The following DOCK1 variants were observed in gnomAD, a reference collection of about 807,000 sequenced individuals.
DOCK1 encodes the protein dedicator of cytokinesis 1.
Under a neutral mutation model 262.7 loss-of-function variants are expected in DOCK1, and 138 were observed. The observed-to-expected ratio is 0.53, with a 90% CI of 0.46 to 0.61. DOCK1 has a LOEUF of 0.61. Among genes scored for constraint, DOCK1 ranks in the 20% least tolerant of loss-of-function variants. DOCK1 has a pLI of 0.00. For synonymous variants in DOCK1, 866 were observed against 867.4 expected (o/e 1.00, Z 0.03); for missense variants, 1,908 against 2,370.7 (o/e 0.80, Z 4.05).
intron 25 of DOCK1, among the ~76,000 whole-genome samples, chr10:127,113,173 G>C (rs199759878): frequency 1.1e-4 from 16 of 152,006 alleles, no homozygotes; most frequent in Admixed American, 1.0e-3. Flanking sequence ...GGTTGTTTTT[G>C]TCCTGTTTCC....
intron 33 of DOCK1, among the ~76,000 whole-genome samples, chr10:127,371,164 A>T (rs2065187130): frequency 1.3e-5 from 2 of 152,258 alleles, no homozygotes; most frequent in African/African-American, 4.8e-5. Context: ...GTAACAGTTC[A>T]TAGCACACTA....
intron 29 of DOCK1, among the ~76,000 whole-genome samples, chr10:127,324,560 G>T (rs150341934): frequency 2.6e-5 from 4 of 151,936 alleles, no homozygotes; most frequent in African/African-American, 9.7e-5. Flanking sequence ...ACCCAGTCAC[G>T]CCTCTCTTGG....
intron 50 of DOCK1, among the ~76,000 whole-genome samples, chr10:127,445,841 G>A (rs942222172): frequency 6.6e-6 from 1 of 152,254 alleles, no homozygotes; most frequent in African/African-American, 2.4e-5. Flanking sequence ...AGAAAGGAGT[G>A]AAGTTCTGAC....
chr10:127,429,840 C>T (rs1050558213), intron 47 of DOCK1, among the ~76,000 whole-genome samples: 4 of 149,560 alleles, frequency 2.7e-5, no homozygotes, highest in African/African-American at 5.1e-5. Flanking sequence ...GGCATTGGCC[C>T]CCGTGCCCTC....
At chr10:127,180,879 C>T (rs961894483) in intron 27 of DOCK1, among the ~76,000 whole-genome samples, 2 of 152,276 alleles carry the variant, frequency 1.3e-5, no homozygotes, top group East Asian at 1.9e-4. Context: ...AAACGGTCAT[C>T]GTTGTGGTAT....
intron 6 of DOCK1, among the ~76,000 whole-genome samples, chr10:126,994,895 C>T (rs2040060542): frequency 6.6e-6 from 1 of 151,834 alleles, no homozygotes; most frequent in Non-Finnish European, 1.5e-5. Context: ...GACGGGGCGG[C>T]CGGGCAGAGG....
At chr10:126,957,240 C>T (rs1004635922) in intron 1 of DOCK1, among the ~76,000 whole-genome samples, 4 of 152,094 alleles carry the variant, frequency 2.6e-5, no homozygotes, top group Non-Finnish European at 4.4e-5. Flanking sequence ...TATTTTTTGG[C>T]GAGTCCCTGG....
At chr10:127,356,940 A>G (rs1244885266) in intron 32 of DOCK1, among the ~76,000 whole-genome samples, 2 of 152,202 alleles carry the variant, frequency 1.3e-5, no homozygotes, top group African/African-American at 4.8e-5. Flanking sequence ...ATACTTTCAA[A>G]TGAAGGTTCT....
At chr10:127,041,156 CTCAGGATCTTGGCTCA>C (rs1261317953) in intron 19 of DOCK1, among the ~76,000 whole-genome samples, 1 of 152,128 alleles carries the variant, frequency 6.6e-6, no homozygotes, top group African/African-American at 2.4e-5. Flanking sequence ...AAGGCGCAAT[CTCAGGATCTTGGCTCA>C]CCACAACCTC....
chr10:127,091,480 T>G (rs1480998360), intron 23 of DOCK1, among the ~76,000 whole-genome samples: 5 of 152,248 alleles, frequency 3.3e-5, no homozygotes, highest in Non-Finnish European at 5.9e-5. Context: ...CCTTTAGCTG[T>G]AGGTTGAACA....
chr10:127,413,499 G>A (rs1443763263), intron 43 of DOCK1, among the ~76,000 whole-genome samples: 2 of 152,254 alleles, frequency 1.3e-5, no homozygotes, highest in African/African-American at 4.8e-5. Context: ...GGGGGCTGGG[G>A]AAGCTGCCCA....
chr10:127,075,298 G>A (rs1387506115), intron 23 of DOCK1, among the ~76,000 whole-genome samples: 4 of 151,164 alleles, frequency 2.6e-5, no homozygotes, highest in African/African-American at 4.9e-5. Context: ...TACTGAGACC[G>A]AGTCTCACTG....
At chr10:127,406,647 T>G (rs1247020622) in intron 40 of DOCK1, among the ~76,000 whole-genome samples, 2 of 152,168 alleles carry the variant, frequency 1.3e-5, no homozygotes, top group African/African-American at 2.4e-5. Context: ...TAAAAATTGG[T>G]CTCACTGTTT....
chr10:127,340,551 C>G (rs182003959), intron 30 of DOCK1, among the ~76,000 whole-genome samples: 1 of 152,122 alleles, frequency 6.6e-6, no homozygotes, highest in Non-Finnish European at 1.5e-5. Flanking sequence ...GCTGTGCTAC[C>G]GTGAGGGCTG....
chr10:127,031,295 C>T (rs1176644163), intron 16 of DOCK1, among the ~76,000 whole-genome samples: 3 of 152,162 alleles, frequency 2.0e-5, no homozygotes, highest in Non-Finnish European at 4.4e-5. Context: ...TACAGTTACT[C>T]TCGCTTTCTA....
chr10:127,356,303 T>A (rs921702361), intron 32 of DOCK1, among the ~76,000 whole-genome samples: 2 of 152,346 alleles, frequency 1.3e-5, no homozygotes, highest in East Asian at 3.9e-4. Flanking sequence ...CTCCCACTCC[T>A]GCCTCCCCGT....
chr10:127,252,979 C>T (rs1238300376), intron 28 of DOCK1, among the ~76,000 whole-genome samples: 1 of 152,106 alleles, frequency 6.6e-6, no homozygotes, highest in Admixed American at 6.6e-5. Context: ...TACAAAATCA[C>T]ACTTACTATC....
chr10:127,121,226 CTTTTT>C (rs35938133), intron 25 of DOCK1, among the ~76,000 whole-genome samples: 1 of 136,146 alleles, frequency 7.3e-6, no homozygotes, highest in Non-Finnish European at 1.6e-5. Context: ...ACCCCTCCTC[CTTTTT>C]TTTTTTTTTT....
At chr10:127,226,863 C>T (rs1224680273) in intron 27 of DOCK1, among the ~76,000 whole-genome samples, 2 of 152,180 alleles carry the variant, frequency 1.3e-5, no homozygotes, top group Non-Finnish European at 2.9e-5. Flanking sequence ...CCCATCCCCA[C>T]CTTCACCTGG....
Sources: gnomAD v4.1 joint callset for allele counts (sites outside exome capture counted in the v4.1 genomes callset) on GRCh38, gnomAD v4.1.1 for gene constraint, MANE v1.5 for transcripts, NCBI Gene and HGNC (gene_info 2026-07-23, HGNC 2026-07-21) for gene names.